The following GABRB3 variants were observed in gnomAD, a reference collection of about 807,000 sequenced individuals.
The protein encoded by GABRB3 is gamma-aminobutyric acid type A receptor subunit beta3.
Under a neutral mutation model 52.1 loss-of-function variants are expected in GABRB3, and 14 were observed. The observed-to-expected ratio is 0.27, with a 90% CI of 0.18 to 0.42. The LOEUF (loss-of-function observed/expected upper bound fraction) is 0.42. GABRB3 is among the 10% of genes least tolerant of loss of function. The probability of loss-of-function intolerance (pLI) is 1.00; values close to 1 mark genes in which losing one functional copy is unlikely to be tolerated. For synonymous variants in GABRB3, 260 were observed against 232.3 expected (o/e 1.12, Z -1.08); for missense variants, 307 against 609.1 (o/e 0.50, Z 5.22).
At chr15:26,560,314 C>G (rs34705372) in intron 8 of GABRB3, among the ~76,000 whole-genome samples, 19,612 of 152,230 alleles carry the variant, frequency 0.13, 2,449 homozygotes, top group East Asian at 0.71. Context: ...GGCCCTGTTA[C>G]TCACTTCTGT....
chr15:26,709,196 T>C (rs1162178400), intron 3 of GABRB3, among the ~76,000 whole-genome samples: 3 of 152,316 alleles, frequency 2.0e-5, no homozygotes, highest in South Asian at 2.1e-4. Context: ...CCAAATCTTA[T>C]GTTGAACTTT....
chr15:26,760,634 A>G (rs565016358), intron 3 of GABRB3, among the ~76,000 whole-genome samples: 3 of 152,196 alleles, frequency 2.0e-5, no homozygotes, highest in African/African-American at 7.2e-5. Context: ...TATGATTGAA[A>G]AGTGGTTCTC....
At chr15:26,550,079 A>G (rs1309692590) in intron 8 of GABRB3, 1 of 152,216 alleles carries the variant, frequency 6.6e-6, no homozygotes, top group Non-Finnish European at 1.5e-5. Context: ...ACCCTAAGAT[A>G]GGAAGATGAC....
intron 3 of GABRB3, among the ~76,000 whole-genome samples, chr15:26,707,074 A>C (rs1319359316): frequency 6.6e-6 from 1 of 152,234 alleles, no homozygotes; most frequent in African/African-American, 2.4e-5. Context: ...TCGGGGAAAT[A>C]CATGATTGCA....
chr15:26,739,195 T>G (rs570138030), intron 3 of GABRB3, among the ~76,000 whole-genome samples: 1 of 152,124 alleles, frequency 6.6e-6, no homozygotes, highest in East Asian at 2.0e-4. Context: ...CCCAGCCCTG[T>G]CTGCTCCACT....
chr15:26,608,763 C>T (rs1891937620), intron 4 of GABRB3, among the ~76,000 whole-genome samples: 1 of 152,062 alleles, frequency 6.6e-6, no homozygotes, highest in African/African-American at 2.4e-5. Flanking sequence ...ACATCTAATA[C>T]CTGTCAGAAT....
At chr15:26,727,509 C>T (rs1889805644) in intron 3 of GABRB3, among the ~76,000 whole-genome samples, 1 of 152,156 alleles carries the variant, frequency 6.6e-6, no homozygotes, top group Non-Finnish European at 1.5e-5. Context: ...CATTTGTAAG[C>T]ACTTTCTTAC....
intron 3 of GABRB3, among the ~76,000 whole-genome samples, chr15:26,762,508 C>A (rs918735362): frequency 1.3e-5 from 2 of 152,012 alleles, no homozygotes; most frequent in African/African-American, 4.8e-5. Context: ...TTAAGGGCCC[C>A]TCACCCCTTC....
At chr15:26,599,258 G>C (rs921486809) in intron 4 of GABRB3, among the ~76,000 whole-genome samples, 35 of 152,268 alleles carry the variant, frequency 2.3e-4, no homozygotes, top group Non-Finnish European at 5.0e-4. Context: ...GCACATTCCA[G>C]AGATGGAAAG....
chr15:26,740,798 G>A (rs1301017467), intron 3 of GABRB3, among the ~76,000 whole-genome samples: 2 of 152,116 alleles, frequency 1.3e-5, no homozygotes, highest in East Asian at 1.9e-4. Flanking sequence ...GGCCACTCCT[G>A]CTTGTCCCAG....
rs540924786 is a variant in GABRB3 at position 26,628,929 on chromosome 15, C to T, written c.241-7395G>A. The T allele has an allele frequency of 9.9e-6, 15 of 1,510,798 alleles. No individual in the cohort carries two copies. In the African/African-American group the frequency reaches 1.9e-4, roughly 19 times the overall value. 93.6% of individuals were successfully genotyped at this position (1,510,798 alleles called of 1,614,324 possible). On this transcript the variant is annotated intron_variant, in intron 3 of 8. Transcript: ENST00000311550. ...GGTGTGGGGGAGTCAGGTGCAAGAG[C>T]GCCTCCACTCCTTGTGACTGCCGAG...
chr15:26,579,213 C>T (rs1195075138), intron 6 of GABRB3, among the ~76,000 whole-genome samples: 7 of 152,208 alleles, frequency 4.6e-5, no homozygotes, highest in Non-Finnish European at 1.0e-4. Flanking sequence ...GAGGATGAAC[C>T]ACGCATGACT....
chr15:26,629,021 TCC>T, intron 3 of GABRB3: 1 of 1,536,134 alleles, frequency 6.5e-7, no homozygotes, highest in Non-Finnish European at 8.7e-7. Context: ...CGAGGGAGTC[TCC>T]CGGTATCCCG....
At chr15:26,604,672 A>G (rs2140505983) in intron 4 of GABRB3, among the ~76,000 whole-genome samples, 1 of 152,268 alleles carries the variant, frequency 6.6e-6, no homozygotes, top group East Asian at 1.9e-4. Flanking sequence ...GAAAAGAGGC[A>G]GTCTCTTCAA....
At position 26,621,181 on chromosome 15, in the gene GABRB3, A is replaced by T; in HGVS notation, c.461+133T>A. On this transcript the variant is annotated intron_variant, in intron 4 of 8. Coordinates refer to ENST00000311550, the MANE Select transcript of GABRB3 (RefSeq NM_000814.6). The surrounding 1 kb of genome is among the most constrained non-coding windows in gnomAD (Gnocchi z 4.1). ...GGTTATGAGATTTTTTTTTCTGCAA[A>T]GCTTTAGTGCTTCATAGATGCTTCC... The T allele has an allele frequency of 1.3e-6, 1 of 793,558 alleles. No individual in the cohort carries two copies. The highest frequency in any genetic ancestry group is 2.2e-6 in the Non-Finnish European group (1 of 462,452). The allele number at this position is 793,558 out of a possible 1,614,324, so 49.2% of individuals were successfully genotyped here.
intron 3 of GABRB3, among the ~76,000 whole-genome samples, chr15:26,744,596 T>A (rs1033364374): frequency 1.3e-5 from 2 of 152,028 alleles, no homozygotes; most frequent in Non-Finnish European, 2.9e-5. Context: ...TGGCTAATTT[T>A]TGTATTTTTA....
At chr15:26,565,409 G>T (rs1411237875) in intron 7 of GABRB3, among the ~76,000 whole-genome samples, 2 of 152,080 alleles carry the variant, frequency 1.3e-5, no homozygotes, top group Non-Finnish European at 1.5e-5. Flanking sequence ...TGACCTCGGG[G>T]TCACCCTAAC....
At chr15:26,688,629 T>G (rs1283479623) in intron 3 of GABRB3, among the ~76,000 whole-genome samples, 1 of 152,184 alleles carries the variant, frequency 6.6e-6, no homozygotes, top group Non-Finnish European at 1.5e-5. Flanking sequence ...AGTTATTGCT[T>G]ATGTCCATCT....
chr15:26,610,433 T>C (rs149063715), intron 4 of GABRB3, among the ~76,000 whole-genome samples: 66 of 152,280 alleles, frequency 4.3e-4, no homozygotes, highest in African/African-American at 1.5e-3. Context: ...TGATCATAAA[T>C]GTGTTGGTTG....
Sources: allele counts gnomAD v4.1 joint callset (sites outside exome capture counted in the v4.1 genomes callset), GRCh38; gene constraint gnomAD v4.1.1; non-coding constraint Gnocchi (gnomAD v3.1); transcripts MANE v1.5; gene names NCBI Gene and HGNC (gene_info 2026-07-23, HGNC 2026-07-21).